FKBP5: variants seen among roughly 807,000 people sequenced by gnomAD.
FKBP5 encodes the protein FKBP prolyl isomerase 5.
A neutral mutation model predicts 50.5 loss-of-function variants in FKBP5; 23 were observed. The observed-to-expected ratio is 0.46, with a 90% CI of 0.33 to 0.65. The LOEUF is 0.65. Among genes scored for constraint, FKBP5 ranks in the 30% least tolerant of loss-of-function variants. The probability of loss-of-function intolerance (pLI) is 0.02; values close to 1 mark genes in which losing one functional copy is unlikely to be tolerated. For missense variants in FKBP5, 411 were observed against 553.1 expected, an observed-to-expected ratio of 0.74 and a Z score of 2.58; for synonymous variants, 176 against 190.6, an observed-to-expected ratio of 0.92 and a Z score of 0.63.
intron 3 of FKBP5, among the ~76,000 whole-genome samples, chr6:35,632,329 T>G (rs1764185973): frequency 6.6e-6 from 1 of 152,152 alleles, no homozygotes; most frequent in Non-Finnish European, 1.5e-5. Flanking sequence ...TTTGTACGCA[T>G]GCATAGTCAA....
chr6:35,577,336 A>T (rs547900322), intron 9 of FKBP5, 103 bp from the exon 10 acceptor site: 5 of 1,068,890 alleles, frequency 4.7e-6, no homozygotes, highest in Admixed American at 2.5e-5. Flanking sequence ...AAGTGTATTT[A>T]AAAAAATGGG....
chr6:35,696,652 C>T (rs1359702750), intron 2 of FKBP5, among the ~76,000 whole-genome samples: 2 of 152,124 alleles, frequency 1.3e-5, no homozygotes, highest in African/African-American at 4.8e-5. Flanking sequence ...TGATATAATG[C>T]AATCCCCATC....
In FKBP5 at chr6:35,574,279, A is replaced by T. The variant is rs912083545; in HGVS notation, c.*1556T>A. ...AAGGGGGTCCCAATCTAATAATAAA[A>T]GTCTTTTGATAAAACCATCATAAAA... is the stretch of plus-strand genomic sequence containing the variant. On this transcript the variant is annotated 3_prime_UTR_variant, in exon 11 of 11. Transcript: ENST00000357266. 39 of 152,236 alleles carry T rather than the reference A, an allele frequency of 2.6e-4. No individual in the cohort carries two copies. The highest frequency in any genetic ancestry group is 9.2e-4 in the African/African-American group (38 of 41,474). The allele number at this position is 152,236 out of a possible 1,614,324, so 9.4% of individuals were successfully genotyped here. A position where few individuals can be genotyped will look rare whatever the true frequency, so the allele number is the denominator to read the frequency against.
At chr6:35,590,623 T>G (rs560116693) in intron 7 of FKBP5, among the ~76,000 whole-genome samples, 12 of 152,252 alleles carry the variant, frequency 7.9e-5, no homozygotes, top group African/African-American at 1.7e-4. Context: ...TTAGCTGCTT[T>G]CTTTCTTGTA....
intron 5 of FKBP5, among the ~76,000 whole-genome samples, chr6:35,604,740 T>G (rs1340893200): frequency 1.3e-5 from 2 of 152,208 alleles, no homozygotes; most frequent in Non-Finnish European, 2.9e-5. Context: ...TCATATTTTT[T>G]GTAATCACTG....
At chr6:35,581,241 TTATATATAA>T (rs1477725675) in intron 8 of FKBP5, 57 of 700,834 alleles carry the variant, frequency 8.1e-5, no homozygotes, top group Non-Finnish European at 9.2e-5. Flanking sequence ...GGTCTGTCAG[TTATATATAA>T]TATATATAAA....
At chr6:35,651,867 G>A in intron 1 of FKBP5, 1 of 1,097,492 alleles carries the variant, frequency 9.1e-7, no homozygotes, top group Non-Finnish European at 1.2e-6. Flanking sequence ...CTTATGGTTA[G>A]GTGCAAAAAA....
intron 2 of FKBP5, among the ~76,000 whole-genome samples, chr6:35,704,476 G>A (rs1766245256): frequency 6.6e-6 from 1 of 152,166 alleles, no homozygotes; most frequent in African/African-American, 2.4e-5. Context: ...CAAAAACCAG[G>A]AATATATCTG....
At chr6:35,599,277 T>C (rs1763075320) in intron 5 of FKBP5, among the ~76,000 whole-genome samples, 1 of 152,184 alleles carries the variant, frequency 6.6e-6, no homozygotes, top group South Asian at 2.1e-4. Flanking sequence ...TATGATTCTA[T>C]GACCTGGTAA....
intron 3 of FKBP5, among the ~76,000 whole-genome samples, chr6:35,631,149 A>T (rs1156413091): frequency 6.6e-6 from 1 of 152,230 alleles, no homozygotes; most frequent in African/African-American, 2.4e-5. Flanking sequence ...AAAAAGATCG[A>T]CAATACTACG....
At chr6:35,699,074 TG>T (rs1038770850) in intron 2 of FKBP5, among the ~76,000 whole-genome samples, 1 of 152,230 alleles carries the variant, frequency 6.6e-6, no homozygotes, top group Non-Finnish European at 1.5e-5. Flanking sequence ...CTAGTCTATG[TG>T]GCAAGGGTTG....
intron 6 of FKBP5, among the ~76,000 whole-genome samples, chr6:35,593,550 C>A (rs925039829): frequency 6.6e-6 from 1 of 151,958 alleles, no homozygotes; most frequent in Non-Finnish European, 1.5e-5. Flanking sequence ...TCTTGGTAGT[C>A]TGTTTTTTTA....
At chr6:35,726,773 C>T (rs2151026443) in intron 1 of FKBP5, among the ~76,000 whole-genome samples, 1 of 152,294 alleles carries the variant, frequency 6.6e-6, no homozygotes, top group East Asian at 1.9e-4. Context: ...CATTTCAATA[C>T]ACCCAATATT....
At chr6:35,652,694 C>T (rs907853688) in intron 1 of FKBP5, among the ~76,000 whole-genome samples, 6 of 152,178 alleles carry the variant, frequency 3.9e-5, no homozygotes, top group African/African-American at 1.2e-4. Context: ...ATTTTAATTT[C>T]GCCTCTGTCC....
chr6:35,717,328 G>A (rs1003433735), intron 2 of FKBP5, among the ~76,000 whole-genome samples: 10 of 152,238 alleles, frequency 6.6e-5, no homozygotes, highest in South Asian at 2.1e-4. Context: ...ATGAGAGAGC[G>A]TGTGAGAGTG....
intron 1 of FKBP5, among the ~76,000 whole-genome samples, chr6:35,677,232 C>T (rs2151008076): frequency 6.6e-6 from 1 of 152,250 alleles, no homozygotes; most frequent in Non-Finnish European, 1.5e-5. Flanking sequence ...TGCCACCACA[C>T]CCAGCTAATT....
intron 1 of FKBP5, among the ~76,000 whole-genome samples, chr6:35,666,841 C>G (rs1355268509): frequency 1.3e-5 from 2 of 151,998 alleles, no homozygotes; most frequent in Non-Finnish European, 2.9e-5. Flanking sequence ...CGAGATTGCA[C>G]CACTGCACTC....
intron 2 of FKBP5, among the ~76,000 whole-genome samples, chr6:35,638,389 A>G (rs1205011856): frequency 6.6e-6 from 1 of 152,172 alleles, no homozygotes; most frequent in African/African-American, 2.4e-5. Context: ...TAAATTCCAC[A>G]GCTTTCTTAA....
chr6:35,586,137 G>A, intron 8 of FKBP5: 2 of 984,830 alleles, frequency 2.0e-6, no homozygotes, highest in African/African-American at 1.7e-5. Context: ...AGCCCTTTCT[G>A]CTTGACATGG....
Sources: allele counts gnomAD v4.1 joint callset (sites outside exome capture counted in the v4.1 genomes callset), GRCh38; gene constraint gnomAD v4.1.1; transcripts MANE v1.5; gene names NCBI Gene and HGNC (gene_info 2026-07-23, HGNC 2026-07-21).